MROH6: variants seen among roughly 807,000 people sequenced by gnomAD.
MROH6 encodes the protein maestro heat like repeat family member 6, also known as maestro heat-like repeat-containing protein family member 6.
A neutral mutation model predicts 67.7 loss-of-function variants in MROH6; 62 were observed. The ratio of observed to expected loss-of-function variants is 0.92; its 90% CI spans 0.75 to 1.13. The LOEUF (loss-of-function observed/expected upper bound fraction) is 1.13, where lower values mean the gene tolerates loss of function less well. MROH6 is among the 50% of genes most tolerant of loss of function. The pLI is 0.00. For missense variants in MROH6, 1,175 were observed against 1,029.1 expected (o/e 1.14, Z -1.94); for synonymous variants, 566 against 470.8 (o/e 1.20, Z -2.62).
chr8:143,571,955 C>T (rs1305306644), intron 2 of MROH6, 78 bp downstream of exon 2: 18 of 1,521,018 alleles, frequency 1.2e-5, no homozygotes, highest in African/African-American at 9.7e-5. Context: ...GGTCAGGCTG[C>T]GCTCTCCAGG....
intron 3 of MROH6, among the ~76,000 whole-genome samples, chr8:143,571,274 G>GA (rs1227416926): frequency 2.0e-5 from 3 of 152,140 alleles, no homozygotes; most frequent in Non-Finnish European, 2.9e-5. Flanking sequence ...TTATTAAAAA[G>GA]AAAAAAATTG....
chr8:143,571,536 A>T, intron 3 of MROH6, 131 bp downstream of exon 3: 1 of 1,203,426 alleles, frequency 8.3e-7, no homozygotes, highest in Non-Finnish European at 1.2e-6. Context: ...ACGGGGCATG[A>T]GTCATCGCGG....
intron 10 of MROH6, 59 bp from the exon 11 acceptor site, chr8:143,568,320 G>A: frequency 6.5e-7 from 1 of 1,549,322 alleles, no homozygotes; most frequent in Non-Finnish European, 8.7e-7. Context: ...CAAAAGGTGG[G>A]GTGGGAAGAG....
chr8:143,569,620 G>A lies in MROH6; in HGVS notation c.1303-6C>T, dbSNP rs771797968. 6.3e-7 allele frequency: 1 copy of A among 1,582,272 alleles called. No individual in the cohort carries two copies. The highest frequency in any genetic ancestry group is 8.6e-7 in the Non-Finnish European group (1 of 1,164,280). On this transcript the variant is annotated splice_region_variant and splice_polypyrimidine_tract_variant and intron_variant, in intron 8 of 13. Coordinates refer to ENST00000398882, the MANE Select transcript of MROH6 (RefSeq NM_001100878.2). ...AGCGTGCTCACGTGCCGCACCTGCT[G>A]GGACTCGGGGTCAGCCTCTTGCAGA... is the stretch of plus-strand genomic sequence containing the variant.
At position 143,572,460 on chromosome 8, in the gene MROH6, G is replaced by T. The variant is rs1824111043; in HGVS notation, c.255C>A (p.Leu85=). The T allele has an allele frequency of 6.3e-7, 1 of 1,599,158 alleles. No individual in the cohort carries two copies. Among genetic ancestry groups the T allele is most frequent in the African/African-American group, 1.3e-5 (1 of 74,942 alleles). ...VPEAGSEPCS[L]NSALEPAPEG... ...CAGGGGCTGGTTCCAGGGCACTGTTGAGGGAGCAGGGCTCGCTGCCAGCTT... is the reference window on the plus strand; with the variant it reads ...CAGGGGCTGGTTCCAGGGCACTGTTTAGGGAGCAGGGCTCGCTGCCAGCTT... The change falls in exon 1 of 14, where the codon CTC becomes CTA. Residue 85 remains leucine (L), a synonymous_variant. Coordinates refer to ENST00000398882, the MANE Select transcript of MROH6 (RefSeq NM_001100878.2).
chr8:143,569,805 C>T lies in MROH6; in HGVS notation c.1194G>A (p.Arg398=). 1.2e-6 allele frequency: 2 copies of T among 1,611,784 alleles called. No homozygotes were observed. The highest frequency in any genetic ancestry group is 1.1e-5 in the South Asian group (1 of 90,952). ...GGAGTCGCTCCAGGATGACCTCCTC[C>T]CGCAGGAGCCGTGCGGTGGGCCGGC... ...LQSRPTARLL[R]EEVILERLLT... The change falls in exon 8 of 14, where the codon CGG becomes CGA. Residue 398 remains arginine, a synonymous_variant. Coordinates refer to ENST00000398882, the MANE Select transcript of MROH6 (RefSeq NM_001100878.2).
chr8:143,570,300 C>T lies in MROH6; in HGVS notation c.986G>A (p.Gly329Asp), dbSNP rs1477287959. The change falls in exon 6 of 14, where the codon GGC (glycine) becomes GAC (aspartate). Residue 329 changes from glycine (G) to aspartate (D), a missense_variant. Coordinates refer to ENST00000398882, the MANE Select transcript of MROH6 (RefSeq NM_001100878.2). ...MVVTCMEQAGGWRRLVGAHTH... is the reference protein window; with the variant it reads ...MVVTCMEQAGDWRRLVGAHTH... ...GTGGGCTCCCACCAGCCTCCTCCAG[C>T]CTCCTGCCTGCTCCATGCACGTGAC... 1 of 1,608,334 alleles carries T rather than the reference C, an allele frequency of 6.2e-7. No individual in the cohort carries two copies. The highest frequency in any genetic ancestry group is 8.5e-7 in the Non-Finnish European group (1 of 1,179,266).
At chr8:143,568,007 G>A (rs182262657) in intron 11 of MROH6, 119 bp from the exon 12 acceptor site, 189 of 1,452,012 alleles carry the variant, frequency 1.3e-4, no homozygotes, top group Non-Finnish European at 1.7e-4. Context: ...TGGCATGGTC[G>A]GAGACCTTGG....
intron 10 of MROH6, 79 bp from the exon 11 acceptor site, chr8:143,568,340 G>A (rs11136301): frequency 0.33 from 506,618 of 1,518,976 alleles, 85,997 homozygotes; most frequent in East Asian, 0.42. Flanking sequence ...GGGGGAGCAA[G>A]GGCATCGGGT....
Position 143,569,586 on chromosome 8 carries a change from G to A in MROH6, c.1331C>T (p.Ala444Val), listed in dbSNP as rs1240949883. ...GCCTTCGCCCAGTGCGCCCAGGAGC[G>A]CCGGCAGCAGCGTGCTCACGTGCCG... ...KVRHVSTLLP[A>V]LLGALGEGDA... The change falls in exon 9 of 14, where the codon GCG (alanine) becomes GTG (valine). Residue 444 changes from alanine (A) to valine (V), a missense_variant. Coordinates refer to ENST00000398882, the MANE Select transcript of MROH6 (RefSeq NM_001100878.2). 3 of 1,566,352 alleles carry A rather than the reference G, an allele frequency of 1.9e-6. No individual in the cohort carries two copies. The highest frequency in any genetic ancestry group is 4.6e-5 in the East Asian group (2 of 43,404).
At chr8:143,567,929 C>T (rs1563913939) in intron 11 of MROH6, 41 bp from the exon 12 acceptor site, 2 of 1,502,470 alleles carry the variant, frequency 1.3e-6, no homozygotes, top group Admixed American at 2.3e-5. Flanking sequence ...GAGGGCTGAT[C>T]CTGAGTGCGG....
In MROH6 at chr8:143,569,509, G is replaced by A. The variant is rs550226324; in HGVS notation, c.1408C>T (p.Arg470Trp). 2.7e-6 allele frequency: 4 copies of A among 1,488,782 alleles called. No homozygotes were observed. The highest frequency in any genetic ancestry group is 1.5e-5 in the African/African-American group (1 of 68,222). 92.2% of individuals were successfully genotyped at this position (1,488,782 alleles called of 1,614,324 possible). Residue 470 changes from arginine to tryptophan, a missense_variant, in exon 9 of 14, where the codon CGG becomes TGG. Physicochemically the swap from Arg to Trp is moderately radical, Grantham distance 101. Transcript: ENST00000398882. The stretch of plus-strand genomic sequence containing the variant: ...AGGAGCCGCACAGGCGCCCGGGGCC[G>A]CAGCAGGAGCCTCCTCAGGGCGCCC... ...ALGALRRLLL[R>W]PRAPVRLLSA...
In MROH6 at chr8:143,567,458, C is replaced by T. The variant is rs1205761950; in HGVS notation, c.1941G>A (p.Gly647=). 2.8e-6 allele frequency: 4 copies of T among 1,406,474 alleles called. No individual in the cohort carries two copies. The East Asian group carries it at 1.1e-4, about 39-fold the overall frequency. The allele number at this position is 1,406,474 out of a possible 1,614,324, so 87.1% of individuals were successfully genotyped here. Residue 647 remains glycine (G), a synonymous_variant, in exon 14 of 14, where the codon GGG becomes GGA. Coordinates refer to ENST00000398882, the MANE Select transcript of MROH6 (RefSeq NM_001100878.2). ...DLLDSLFQDL[G]RLQSDPKPAV... The stretch of plus-strand genomic sequence containing the variant: ...CCGGCTTGGGGTCGCTCTGCAGTCG[C>T]CCTAGGTCTGCGAGGAGATCGCGGC...
rs1460275583 is a variant in MROH6 at position 143,567,323 on chromosome 8, C to A, written c.2076G>T (p.Arg692=). ...RLLRIAPRPA[R]PPPVFADSPF... is the part of the protein sequence containing the mutation. ...GGCTGTCGGCGAAGACTGGTGGGGG[C>A]CGGGCGGGGCGCGGGGCGATGCGGA... is the stretch of plus-strand genomic sequence containing the variant. The change falls in exon 14 of 14, where the codon CGG becomes CGT. Residue 692 remains arginine (R), a synonymous_variant. Coordinates refer to ENST00000398882, the MANE Select transcript of MROH6 (RefSeq NM_001100878.2). The A allele has an allele frequency of 8.2e-7, 1 of 1,219,530 alleles. No homozygotes were observed. Among genetic ancestry groups the A allele is most frequent in the African/African-American group, 1.6e-5 (1 of 63,740 alleles). The allele number at this position is 1,219,530 out of a possible 1,614,324, so 75.5% of individuals were successfully genotyped here.
Position 143,570,477 on chromosome 8 carries a change from C to T in MROH6, c.901G>A (p.Ala301Thr), listed in dbSNP as rs772566956. 3.9e-5 allele frequency: 63 copies of T among 1,611,696 alleles called. 3 individuals carry two copies. The South Asian group carries it at 6.7e-4, about 17-fold the overall frequency. The change falls in exon 5 of 14, where the codon GCC becomes ACC. Residue 301 changes from alanine (A) to threonine (T), a missense_variant. Ala to Thr is a moderately conservative substitution (Grantham distance 58, BLOSUM62 0). Transcript: ENST00000398882. ...LSHRGPPHSH[A>T]SCAVEALKAL... Reference sequence around the variant, plus strand: ...TAACCTGGTGTTGCCTCTCACCTGGCATGGCTATGTGGTGGCCCTCGGTGG... The same window carrying T: ...TAACCTGGTGTTGCCTCTCACCTGGTATGGCTATGTGGTGGCCCTCGGTGG...
intron 10 of MROH6, 37 bp from the exon 11 acceptor site, chr8:143,568,298 G>T: frequency 6.4e-7 from 1 of 1,574,490 alleles, no homozygotes; most frequent in East Asian, 2.3e-5. Context: ...AGGGGTCCAG[G>T]AAGTAGAAAG....
chr8:143,567,221 G>T lies in MROH6; in HGVS notation c.*18C>A. On this transcript the variant is annotated 3_prime_UTR_variant, in exon 14 of 14. Transcript: ENST00000398882. ...GTGCCCGAGTCGGACCCTGGCCCTCGGGCCCCAGCCCCGAGCCTCAGGCTC... is the reference window on the plus strand; with the variant it reads ...GTGCCCGAGTCGGACCCTGGCCCTCTGGCCCCAGCCCCGAGCCTCAGGCTC... 2.5e-6 allele frequency: 3 copies of T among 1,213,126 alleles called. No individual in the cohort carries two copies. The highest frequency in any genetic ancestry group is 3.1e-6 in the Non-Finnish European group (3 of 973,818). The allele number at this position is 1,213,126 out of a possible 1,614,324, so 75.1% of individuals were successfully genotyped here.
rs13254352 is a variant in MROH6 at position 143,567,480 on chromosome 8, C to T, written c.1934-15G>A. The T allele has an allele frequency of 9.1e-6, 13 of 1,425,576 alleles. No homozygotes were observed. Among genetic ancestry groups the T allele is most frequent in the South Asian group, 1.5e-5 (1 of 66,694 alleles). 88.3% of individuals were successfully genotyped at this position (1,425,576 alleles called of 1,614,324 possible). ...TCGCCCTAGGTCTGCGAGGAGATCG[C>T]GGCTCAGGCTGGGGAGCCCAGGAGG... On this transcript the variant is annotated splice_polypyrimidine_tract_variant and intron_variant, in intron 13 of 13. Transcript: ENST00000398882.
chr8:143,571,801 C>A lies in MROH6; in HGVS notation c.468G>T (p.Gly156=). 6.5e-7 allele frequency: 1 copy of A among 1,547,456 alleles called. No individual in the cohort carries two copies. The stretch of plus-strand genomic sequence containing the variant: ...CTAGGCTGGGCACCTGCGCCAGCAG[C>A]CCACGCACCAGAGCATGCACCTGGT... ...LEDQVHALVR[G]LLAQVPSLAE... is the part of the protein sequence containing the mutation. The change falls in exon 3 of 14, where the codon GGG becomes GGT. Residue 156 remains glycine (G), a synonymous_variant. Coordinates refer to ENST00000398882, the MANE Select transcript of MROH6 (RefSeq NM_001100878.2).
Sources: allele counts gnomAD v4.1 joint callset (sites outside exome capture counted in the v4.1 genomes callset), GRCh38; gene constraint gnomAD v4.1.1; transcripts MANE v1.5; gene names NCBI Gene and HGNC (gene_info 2026-07-23, HGNC 2026-07-21).